The following GMDS variants were observed in gnomAD, a reference collection of about 807,000 sequenced individuals.
GMDS encodes GDP-mannose 4,6 dehydratase.
A neutral mutation model predicts 49.9 loss-of-function variants in GMDS; 20 were observed. That is an observed-to-expected ratio of 0.40 (90% confidence interval 0.28 to 0.58). The LOEUF (loss-of-function observed/expected upper bound fraction) is 0.58, where lower values mean the gene tolerates loss of function less well. Among genes scored for constraint, GMDS ranks in the 20% least tolerant of loss-of-function variants. The pLI is 0.42. For synonymous variants in GMDS, 177 were observed against 178.6 expected (o/e 0.99, Z 0.07); for missense variants, 362 against 481.4 (o/e 0.75, Z 2.32).
In GMDS at chr6:2,176,855, G is replaced by A. The variant is rs1258516185; in HGVS notation, c.103-52124C>T. Among the ~76,000 whole-genome samples the A allele has an allele frequency of 3.3e-5, 5 of 152,150 alleles. No individual in the cohort carries two copies. In the East Asian group the frequency reaches 9.6e-4, roughly 29 times the overall value. On this transcript the variant is annotated intron_variant, in intron 1 of 10. Transcript: ENST00000380815. ...CAGGGCCAAGGAGGGAGAAGGGTCA[G>A]GTAAAAGGCCTGGCACTGAGGGGAC...
intron 1 of GMDS, among the ~76,000 whole-genome samples, chr6:2,159,664 G>A (rs1000761677): frequency 2.0e-5 from 3 of 151,426 alleles, no homozygotes; most frequent in Non-Finnish European, 2.9e-5. Context: ...GATTGCAGAC[G>A]TATGCCACCA....
intron 6 of GMDS, among the ~76,000 whole-genome samples, chr6:1,937,186 G>A (rs1762595582): frequency 6.6e-6 from 1 of 152,212 alleles, no homozygotes; most frequent in East Asian, 1.9e-4. Flanking sequence ...AACACTCTAC[G>A]TCTACAACCG....
intron 4 of GMDS, among the ~76,000 whole-genome samples, chr6:1,973,482 CAG>C (rs1449158578): frequency 6.6e-6 from 1 of 152,078 alleles, no homozygotes; most frequent in Non-Finnish European, 1.5e-5. Context: ...GATTAAAAAT[CAG>C]GGGATTAAAA....
At chr6:2,071,893 C>T (rs755805689) in intron 4 of GMDS, among the ~76,000 whole-genome samples, 6 of 152,128 alleles carry the variant, frequency 3.9e-5, no homozygotes, top group Non-Finnish European at 7.3e-5. Context: ...ACAGCACATA[C>T]CTATACCTCA....
At chr6:1,847,544 A>G (rs1176473626) in intron 7 of GMDS, among the ~76,000 whole-genome samples, 1 of 152,148 alleles carries the variant, frequency 6.6e-6, no homozygotes, top group African/African-American at 2.4e-5. Context: ...TCCCTTGCAC[A>G]TGTCCCATGC....
At chr6:2,013,916 G>A (rs1243297679) in intron 4 of GMDS, among the ~76,000 whole-genome samples, 8 of 102,614 alleles carry the variant, frequency 7.8e-5, no homozygotes, top group African/African-American at 2.8e-4. Context: ...CACCAGAGAG[G>A]ATAAAAACCA....
At chr6:1,812,198 A>G (rs1770459799) in intron 7 of GMDS, among the ~76,000 whole-genome samples, 1 of 152,204 alleles carries the variant, frequency 6.6e-6, no homozygotes, top group South Asian at 2.1e-4. Flanking sequence ...AACGAGGAGG[A>G]GCTCACAAGC....
chr6:1,833,468 G>A lies in GMDS; in HGVS notation c.772-90882C>T, dbSNP rs910553436. Among the ~76,000 whole-genome samples the A allele has an allele frequency of 6.6e-6, 1 of 151,918 alleles. No homozygotes were observed. On this transcript the variant is annotated intron_variant, in intron 7 of 10. Transcript: ENST00000380815. The surrounding 1 kb of genome is among the most constrained non-coding windows in gnomAD (Gnocchi z 4.4). Reference sequence around the variant, plus strand: ...CGCTGTAATAAAAACTTTATAAGGTGAAATCTAAATCCTGAATGCAGCACA... The same window carrying A: ...CGCTGTAATAAAAACTTTATAAGGTAAAATCTAAATCCTGAATGCAGCACA...
chr6:2,073,068 T>C (rs937053689), intron 4 of GMDS, among the ~76,000 whole-genome samples: 4 of 152,196 alleles, frequency 2.6e-5, no homozygotes, highest in Non-Finnish European at 1.5e-5. Flanking sequence ...GATGTTTAGG[T>C]TAGACAGTCA....
chr6:1,822,371 C>T (rs1470526369), intron 7 of GMDS, among the ~76,000 whole-genome samples: 12 of 152,110 alleles, frequency 7.9e-5, no homozygotes, highest in Non-Finnish European at 1.8e-4. Context: ...AGATTTAGGT[C>T]ACATATCCCT....
intron 1 of GMDS, among the ~76,000 whole-genome samples, chr6:2,230,937 T>TCCCCCCCCC (rs1394372739): frequency 1.5e-4 from 3 of 20,594 alleles, no homozygotes; most frequent in Non-Finnish European, 2.6e-4. Context: ...TCTTCCCCCC[T>TCCCCCCCCC]CCCACCCCCC....
chr6:2,222,102 G>A lies in GMDS; in HGVS notation c.102+23219C>T, dbSNP rs3800188. Among the ~76,000 whole-genome samples the A allele has an allele frequency of 4.2e-4, 64 of 152,326 alleles. 2 individuals carry two copies. In the East Asian group the frequency reaches 0.012, roughly 28 times the overall value. ...TGCATGGAGGTGATTAGCTGGAAGC[G>A]ACTAGTATGCTGAAGTCTGATAATG... is the stretch of plus-strand genomic sequence containing the variant. On this transcript the variant is annotated intron_variant, in intron 1 of 10. Transcript: ENST00000380815.
rs3734743 is a variant in GMDS at position 1,960,725 on chromosome 6, C to T, written c.538+49G>A. ...AAAGGAAAAACACACACCCCCCACA[C>T]CCACAGATAACGCCACACATGTGCT... is the stretch of plus-strand genomic sequence containing the variant. On this transcript the variant is annotated intron_variant, in intron 5 of 10. Transcript: ENST00000380815. The T allele has an allele frequency of 1.9e-3, 2,393 of 1,260,812 alleles. 26 individuals carry two copies. Among genetic ancestry groups the T allele is most frequent in the East Asian group, 0.013 (557 of 42,706 alleles). 78.1% of individuals were successfully genotyped at this position (1,260,812 alleles called of 1,614,324 possible). A position where few individuals can be genotyped will look rare whatever the true frequency, so the allele number is the denominator to read the frequency against.
chr6:2,181,975 G>A (rs1485728267), intron 1 of GMDS, among the ~76,000 whole-genome samples: 1 of 152,224 alleles, frequency 6.6e-6, no homozygotes, highest in Non-Finnish European at 1.5e-5. Context: ...GTAGCCTCTT[G>A]CACCAAACAG....
intron 1 of GMDS, among the ~76,000 whole-genome samples, chr6:2,132,900 A>G (rs1775815952): frequency 6.6e-6 from 1 of 152,214 alleles, no homozygotes; most frequent in Non-Finnish European, 1.5e-5. Context: ...TGTGTAGGGA[A>G]GTTAATAATA....
rs1759212371 is a variant in GMDS, at chr6:1,878,557, C to T, written c.771+51546G>A. 5.3e-5 allele frequency among the ~76,000 whole-genome samples: 8 copies of T among 152,046 alleles called. 1 individual carries two copies. In the South Asian group the frequency reaches 1.7e-3, roughly 32 times the overall value. On this transcript the variant is annotated intron_variant, in intron 7 of 10. Transcript: ENST00000380815. ...TTCATTCCGGTGGGGCAGGCTCAGACACTTCTGCTGGCCATGCGGGAATCT... is the reference window on the plus strand; with the variant it reads ...TTCATTCCGGTGGGGCAGGCTCAGATACTTCTGCTGGCCATGCGGGAATCT...
At chr6:2,143,566 A>G (rs528258777) in intron 1 of GMDS, among the ~76,000 whole-genome samples, 2 of 152,308 alleles carry the variant, frequency 1.3e-5, no homozygotes, top group Admixed American at 6.5e-5. Context: ...AATCAAATCT[A>G]TGCAAGGGAT....
intron 4 of GMDS, among the ~76,000 whole-genome samples, chr6:1,979,002 C>T (rs1765075731): frequency 6.6e-6 from 1 of 152,112 alleles, no homozygotes; most frequent in Admixed American, 6.5e-5. Flanking sequence ...AACAAACAAA[C>T]ATACAAACAC....
intron 6 of GMDS, among the ~76,000 whole-genome samples, chr6:1,958,853 A>G (rs1441699759): frequency 6.6e-6 from 1 of 152,234 alleles, no homozygotes; most frequent in Non-Finnish European, 1.5e-5. Context: ...AGGCTTACAG[A>G]TAATTTTTAC....
Sources: allele counts gnomAD v4.1 joint callset (sites outside exome capture counted in the v4.1 genomes callset), GRCh38; gene constraint gnomAD v4.1.1; non-coding constraint Gnocchi (gnomAD v3.1); transcripts MANE v1.5; gene names NCBI Gene and HGNC (gene_info 2026-07-23, HGNC 2026-07-21).